Variants in AXIN2 observed in about 807,000 individuals in gnomAD.
AXIN2 encodes the protein axin 2, also known as axin-2.
A neutral mutation model predicts 74.7 loss-of-function variants in AXIN2; 21 were observed. The observed-to-expected ratio is 0.28, with a 90% CI of 0.20 to 0.40. The LOEUF is 0.40. Ranked by LOEUF, AXIN2 falls within the 10% of genes least tolerant of loss-of-function variation. AXIN2 has a pLI of 1.00. For synonymous variants in AXIN2, 532 were observed against 454.9 expected (o/e 1.17, Z -2.16); for missense variants, 1,144 against 1,111.1 (o/e 1.03, Z -0.42).
In AXIN2 at chr17:65,529,344, G is replaced by C. The variant is rs1314599985; in HGVS notation, c.*632C>G. The C allele has an allele frequency of 5.5e-6, 1 of 182,292 alleles. No homozygotes were observed. The highest frequency in any genetic ancestry group is 1.1e-5 in the Non-Finnish European group (1 of 88,882). 11.3% of individuals were successfully genotyped at this position (182,292 alleles called of 1,614,324 possible). On this transcript the variant is annotated 3_prime_UTR_variant, in exon 11 of 11. Transcript: ENST00000307078. ...TTTAAGACAAAACAGAGCAGCATAGGAAAAAAAAAAACAAAACGCACCAAT... is the reference window on the plus strand; with the variant it reads ...TTTAAGACAAAACAGAGCAGCATAGCAAAAAAAAAAACAAAACGCACCAAT...
In AXIN2 at chr17:65,529,684, A is replaced by G; in HGVS notation, c.*292T>C. 2.1e-6 allele frequency: 1 copy of G among 473,754 alleles called. No homozygotes were observed. Among genetic ancestry groups the G allele is most frequent in the East Asian group, 3.7e-5 (1 of 26,926 alleles). The allele number at this position is 473,754 out of a possible 1,614,324, so 29.3% of individuals were successfully genotyped here. On this transcript the variant is annotated 3_prime_UTR_variant, in exon 11 of 11. Transcript: ENST00000307078. ...GGATTTCAGATCCCTAGGAAGTCATATATTATGTATGGCAGTCTCTCAAAT... is the reference window on the plus strand; with the variant it reads ...GGATTTCAGATCCCTAGGAAGTCATGTATTATGTATGGCAGTCTCTCAAAT...
At chr17:65,547,514 G>C (rs2044134285) in intron 3 of AXIN2, among the ~76,000 whole-genome samples, 1 of 152,152 alleles carries the variant, frequency 6.6e-6, no homozygotes, top group East Asian at 1.9e-4. Context: ...GGATCAAACA[G>C]AAATAAGTAT....
At position 65,558,432 on chromosome 17, in the gene AXIN2, C is replaced by T. The variant is rs2044307748; in HGVS notation, c.189G>A (p.Gly63=). 3 of 1,600,228 alleles carry T rather than the reference C, an allele frequency of 1.9e-6. No homozygotes were observed. The highest frequency in any genetic ancestry group is 1.1e-5 in the South Asian group (1 of 89,202). The part of the protein sequence containing the change: ...SNTRRNEDGL[G]EPEGRASPDS... ...CCGGAGATGCCCGCCCCTCCGGCTCCCCCAACCCATCTTCGTTCCGCCTGG... is the reference window on the plus strand; with the variant it reads ...CCGGAGATGCCCGCCCCTCCGGCTCTCCCAACCCATCTTCGTTCCGCCTGG... Residue 63 remains glycine, a synonymous_variant, in exon 2 of 11, where the codon GGG becomes GGA. Coordinates refer to ENST00000307078, the MANE Select transcript of AXIN2 (RefSeq NM_004655.4).
chr17:65,546,517 C>T (rs1018523994), intron 3 of AXIN2, among the ~76,000 whole-genome samples: 7 of 152,110 alleles, frequency 4.6e-5, no homozygotes, highest in African/African-American at 1.7e-4. Flanking sequence ...ATGCCTGGCA[C>T]CCAATGGCAG....
intron 2 of AXIN2, among the ~76,000 whole-genome samples, chr17:65,553,028 C>CA (rs895002524): frequency 6.6e-5 from 10 of 151,438 alleles, no homozygotes; most frequent in Non-Finnish European, 1.3e-4. Flanking sequence ...AACTCCATCT[C>CA]AAAAAAAACA....
chr17:65,533,807 A>ACCCC lies in AXIN2; in HGVS notation c.2405+104_2405+105insGGGG. ...CCCAGCGCCTGCTGAGCCCCCTCCCACCCTGCCCCACCTAGGTCTGCTCAG... is the reference window on the plus strand; with the variant it reads ...CCCAGCGCCTGCTGAGCCCCCTCCCACCCCCCCTGCCCCACCTAGGTCTGCTCAG... On this transcript the variant is annotated intron_variant, in intron 10 of 10. Transcript: ENST00000307078. 5 of 464,704 alleles carry ACCCC rather than the reference A, an allele frequency of 1.1e-5. No homozygotes were observed. In the East Asian group the frequency reaches 2.8e-4, roughly 26 times the overall value. 28.8% of individuals were successfully genotyped at this position (464,704 alleles called of 1,614,324 possible). A position where few individuals can be genotyped will look rare whatever the true frequency, so the allele number is the denominator to read the frequency against.
chr17:65,540,491 G>A (rs1001850516), intron 4 of AXIN2, among the ~76,000 whole-genome samples: 1 of 152,068 alleles, frequency 6.6e-6, no homozygotes, highest in South Asian at 2.1e-4. Context: ...TTTCTGATAG[G>A]GAATTTTTTT....
Position 65,537,820 on chromosome 17 carries a change from C to G in AXIN2, c.1216G>C (p.Gly406Arg). The change falls in exon 6 of 11, where the codon GGC becomes CGC. Residue 406 changes from glycine (G) to arginine (R), a missense_variant. Gly to Arg is a moderately radical substitution (Grantham distance 125). This residue lies in a region of AXIN2 where 1,053 missense variants were observed against 973.5 expected (regional missense o/e 1.08). Coordinates refer to ENST00000307078, the MANE Select transcript of AXIN2 (RefSeq NM_004655.4). ...CGCGAATTGAGTGTGAGCTCGGAGC[C>G]CTCTCTCTCTTCATCCTGAAAGGGA... Reference protein sequence around the residue: ...QQIREDEEREGSELTLNSREG... With the variant: ...QQIREDEERERSELTLNSREG... The G allele has an allele frequency of 6.4e-7, 1 of 1,566,636 alleles. No individual in the cohort carries two copies. Among genetic ancestry groups the G allele is most frequent in the Non-Finnish European group, 8.6e-7 (1 of 1,156,440 alleles).
intron 2 of AXIN2, 121 bp from the exon 3 acceptor site, chr17:65,549,781 C>T: frequency 1.5e-6 from 2 of 1,304,764 alleles, no homozygotes; most frequent in Non-Finnish European, 2.1e-6. Context: ...ACCTGCTGCC[C>T]AGGTCCAGTT....
In AXIN2 at chr17:65,558,640, C is replaced by A. The variant is rs1234206226; in HGVS notation, c.-20G>T. On this transcript the variant is annotated 5_prime_UTR_variant, in exon 2 of 11. Coordinates refer to ENST00000307078, the MANE Select transcript of AXIN2 (RefSeq NM_004655.4). Reference sequence around the variant, plus strand: ...ACTCATGGTGAGGGAGCTCTTCCCACTGAGTCTGGGAATTTTTCTTCTTCC... The same window carrying A: ...ACTCATGGTGAGGGAGCTCTTCCCAATGAGTCTGGGAATTTTTCTTCTTCC... 1 of 1,599,668 alleles carries A rather than the reference C, an allele frequency of 6.3e-7. No homozygotes were observed. Among genetic ancestry groups the A allele is most frequent in the South Asian group, 1.1e-5 (1 of 90,664 alleles).
Position 65,537,382 on chromosome 17 carries a change from A to T in AXIN2, c.1654T>A (p.Tyr552Asn). 1.9e-6 allele frequency: 3 copies of T among 1,614,068 alleles called. No individual in the cohort carries two copies. Among genetic ancestry groups the T allele is most frequent in the Non-Finnish European group, 2.5e-6 (3 of 1,180,022 alleles). ...FCPGGSEYYCYSKCKSHSKAP... is the reference protein window; with the variant it reads ...FCPGGSEYYCNSKCKSHSKAP... ...TTGGAGTGGCTTTTGCATTTCGAGT[A>T]GCAGTAATACTCGCTGCCCCCAGGG... The change falls in exon 6 of 11, where the codon TAC (tyrosine) becomes AAC (asparagine). Residue 552 changes from tyrosine (Y) to asparagine (N), a missense_variant. Physicochemically the swap from Tyr to Asn is moderately radical, Grantham distance 143. Transcript: ENST00000307078.
In AXIN2 at chr17:65,538,258, T is replaced by G. The variant is rs878854717; in HGVS notation, c.1145A>C (p.Lys382Thr). ...GCTGTGGCGGCTCTCCAACTCCAGC[T>G]TCAGCTTTTCCAGCCTCGAGATCAG... Reference protein sequence around the residue: ...AELISRLEKLKLELESRHSLE... With the variant: ...AELISRLEKLTLELESRHSLE... Residue 382 changes from lysine (K) to threonine (T), a missense_variant, in exon 5 of 11, where the codon AAG becomes ACG. Around this residue, in one of 4 missense-constraint regions of AXIN2, gnomAD observed 1,053 missense variants for 973.5 expected, o/e 1.08. Coordinates refer to ENST00000307078, the MANE Select transcript of AXIN2 (RefSeq NM_004655.4). 1.2e-6 allele frequency: 2 copies of G among 1,614,198 alleles called. No homozygotes were observed. The highest frequency in any genetic ancestry group is 1.7e-6 in the Non-Finnish European group (2 of 1,180,040).
chr17:65,556,526 T>G (rs1373239157), intron 2 of AXIN2, among the ~76,000 whole-genome samples: 1 of 152,124 alleles, frequency 6.6e-6, no homozygotes, highest in African/African-American at 2.4e-5. Context: ...TCCACTTAGG[T>G]GTAGACCAGA....
intron 2 of AXIN2, among the ~76,000 whole-genome samples, chr17:65,553,849 G>A (rs1194520986): frequency 3.6e-5 from 2 of 55,558 alleles, no homozygotes; most frequent in Non-Finnish European, 3.9e-5. Flanking sequence ...AAAAAAGGCG[G>A]GGGGGGGGGG....
rs1168199442 is a variant in AXIN2 at position 65,537,541 on chromosome 17, G to A, written c.1495C>T (p.Leu499Phe). 3.7e-6 allele frequency: 6 copies of A among 1,613,168 alleles called. No homozygotes were observed. Among genetic ancestry groups the A allele is most frequent in the Middle Eastern group, 1.7e-4 (1 of 5,980 alleles). ...GTCACAAAGCCTTTGCCCCCGAGGA[G>A]GGGGCAGGCGCCCGGCGAGGCGGCC... ...PAAASPGACP[L>F]LGGKGFVTKQ... The change falls in exon 6 of 11, where the codon CTC (leucine) becomes TTC (phenylalanine). Residue 499 changes from leucine (L) to phenylalanine (F), a missense_variant. Transcript: ENST00000307078.
At chr17:65,559,584 C>T (rs1017507230) in intron 1 of AXIN2, 7 of 152,194 alleles carry the variant, frequency 4.6e-5, no homozygotes, top group African/African-American at 1.7e-4. Context: ...GCCCCCGTGC[C>T]CCCAACCCAC....
At position 65,537,427 on chromosome 17, in the gene AXIN2, G is replaced by C. The variant is rs1428503249; in HGVS notation, c.1609C>G (p.Gln537Glu). 1 of 1,613,946 alleles carries C rather than the reference G, an allele frequency of 6.2e-7. No homozygotes were observed. Among genetic ancestry groups the C allele is most frequent in the Non-Finnish European group, 8.5e-7 (1 of 1,180,036 alleles). The change falls in exon 6 of 11, where the codon CAG becomes GAG. Residue 537 changes from glutamine (Q) to glutamate (E), a missense_variant. Transcript: ENST00000307078. Reference sequence around the variant, plus strand: ...CCAGGGCAGAAGCAGTGCACCCGCTGCGTGGCCTCCGCCTCGATCTCCTCC... The same window carrying C: ...CCAGGGCAGAAGCAGTGCACCCGCTCCGTGGCCTCCGCCTCGATCTCCTCC... ...TKEEIEAEAT[Q>E]RVHCFCPGGS...
chr17:65,557,484 C>CA (rs2044283618), intron 2 of AXIN2, among the ~76,000 whole-genome samples: 2 of 152,172 alleles, frequency 1.3e-5, no homozygotes, highest in Non-Finnish European at 2.9e-5. Flanking sequence ...TCTGGTGACT[C>CA]AGAGGCATCA....
intron 2 of AXIN2, among the ~76,000 whole-genome samples, chr17:65,553,849 G>C (rs1194520986): frequency 2.3e-4 from 13 of 55,558 alleles, no homozygotes; most frequent in Admixed American, 1.8e-3. Flanking sequence ...AAAAAAGGCG[G>C]GGGGGGGGGG....
Sources: gnomAD v4.1 joint callset for allele counts (sites outside exome capture counted in the v4.1 genomes callset) on GRCh38, gnomAD v4.1.1 for gene constraint, gnomAD v4.1.1 regional missense constraint, MANE v1.5 for transcripts, NCBI Gene and HGNC (gene_info 2026-07-23, HGNC 2026-07-21) for gene names.